Variants in HERC1 observed in about 807,000 individuals in gnomAD.
HERC1 encodes HECT and RLD domain containing E3 ubiquitin protein ligase family member 1.
A neutral mutation model predicts 554.3 loss-of-function variants in HERC1; 160 were observed. The ratio of observed to expected loss-of-function variants is 0.29; its 90% CI spans 0.25 to 0.33. HERC1 has a LOEUF of 0.33. HERC1 is among the 10% of genes least tolerant of loss of function. The pLI is 1.00. For missense variants in HERC1, 4,919 were observed against 5,918.5 expected (o/e 0.83, Z 5.54); for synonymous variants, 2,175 against 2,131.7 (o/e 1.02, Z -0.56).
Position 63,744,758 on chromosome 15 carries a change from T to G in HERC1, c.2520+2160A>C, listed in dbSNP as rs928504647. On this transcript the variant is annotated intron_variant, in intron 12 of 77. Coordinates refer to ENST00000443617, the MANE Select transcript of HERC1 (RefSeq NM_003922.4). ...TCTCACCCTTCAGGGCAGTGGGTTC[T>G]CCTGTAGCCCAGGACAGGTCTAGAA... Among the ~76,000 whole-genome samples the G allele has an allele frequency of 1.2e-4, 18 of 152,224 alleles. 2 individuals carry two copies. Among genetic ancestry groups the G allele is most frequent in the Admixed American group, 8.5e-4 (13 of 15,290 alleles).
chr15:63,669,777 A>T, intron 39 of HERC1, 79 bp from the exon 40 acceptor site: 6 of 1,310,878 alleles, frequency 4.6e-6, no homozygotes, highest in Non-Finnish European at 6.5e-6. Context: ...TTATAGAAGA[A>T]TATGCAACCT....
chr15:63,686,664 G>A (rs929834335), intron 33 of HERC1, 129 bp from the exon 34 acceptor site: 1 of 711,436 alleles, frequency 1.4e-6, no homozygotes, highest in Non-Finnish European at 2.3e-6. Flanking sequence ...TACTGTGCAG[G>A]GCAACAGGAA....
chr15:63,756,814 GT>G lies in HERC1; in HGVS notation c.1222-67del. ...TATCAAAGTATAATATTTAAGGCTG[GT>G]TTTATCAAAGAGCCTCAAAGGAAGT... On this transcript the variant is annotated intron_variant, in intron 4 of 77. Transcript: ENST00000443617. The surrounding 1 kb of genome is among the most constrained non-coding windows in gnomAD (Gnocchi z 5.0). 1 of 1,046,436 alleles carries G rather than the reference GT, an allele frequency of 9.6e-7. No homozygotes were observed. The highest frequency in any genetic ancestry group is 1.3e-6 in the Non-Finnish European group (1 of 743,538). The allele number at this position is 1,046,436 out of a possible 1,614,324, so 64.8% of individuals were successfully genotyped here. A position where few individuals can be genotyped will look rare whatever the true frequency, so the allele number is the denominator to read the frequency against.
Position 63,659,814 on chromosome 15 carries a change from G to A in HERC1, c.9346C>T (p.Pro3116Ser). 1 of 1,613,892 alleles carries A rather than the reference G, an allele frequency of 6.2e-7. No individual in the cohort carries two copies. Among genetic ancestry groups the A allele is most frequent in the Non-Finnish European group, 8.5e-7 (1 of 1,179,832 alleles). The change falls in exon 47 of 78, where the codon CCT (proline) becomes TCT (serine). Residue 3116 changes from proline to serine, a missense_variant. Physicochemically the swap from Pro to Ser is moderately conservative, Grantham distance 74 (BLOSUM62 -1). Transcript: ENST00000443617. ...GATGCTCCCAGTGGATCGCTGTCAG[G>A]GAACTGAACTGGTTCTGGTACAATG... is the stretch of plus-strand genomic sequence containing the variant. ...RRIVPEPVQF[P>S]DSDPLGASVA...
chr15:63,616,610 C>A lies in HERC1; in HGVS notation c.13761G>T (p.Gly4587=). The change falls in exon 75 of 78, where the codon GGG becomes GGT. Residue 4587 remains glycine, a synonymous_variant. Coordinates refer to ENST00000443617, the MANE Select transcript of HERC1 (RefSeq NM_003922.4). ...GAGGCTTCTTTGTGCGAATGGCAACCCCCATTAAAATTCCTAAAAACTTAA... is the reference window on the plus strand; with the variant it reads ...GAGGCTTCTTTGTGCGAATGGCAACACCCATTAAAATTCCTAAAAACTTAA... ...MQFKFLGILM[G]VAIRTKKPLD... 1.2e-6 allele frequency: 2 copies of A among 1,613,852 alleles called. No individual in the cohort carries two copies. The highest frequency in any genetic ancestry group is 2.2e-5 in the South Asian group (2 of 91,078).
At chr15:63,787,220 A>C (rs2076484779) in intron 1 of HERC1, among the ~76,000 whole-genome samples, 2 of 151,956 alleles carry the variant, frequency 1.3e-5, no homozygotes, top group African/African-American at 4.8e-5. Context: ...GCAGTGGTGC[A>C]ATCTCCGTTC....
At chr15:63,623,441 C>T (rs1052475581) in intron 73 of HERC1, among the ~76,000 whole-genome samples, 1 of 152,224 alleles carries the variant, frequency 6.6e-6, no homozygotes, top group Non-Finnish European at 1.5e-5. Flanking sequence ...CATAAATGTA[C>T]ATATATGCCA....
chr15:63,645,707 A>G, intron 55 of HERC1, 25 bp from the exon 56 acceptor site: 1 of 1,350,398 alleles, frequency 7.4e-7, no homozygotes. Context: ...AAGAGAAAAA[A>G]AATCAGAGTA....
chr15:63,631,793 G>A (rs886505941), intron 68 of HERC1, among the ~76,000 whole-genome samples: 4 of 152,108 alleles, frequency 2.6e-5, no homozygotes, highest in South Asian at 2.1e-4. Context: ...CACCCGCCTC[G>A]GCCTCCCAAA....
At position 63,641,485 on chromosome 15, in the gene HERC1, C is replaced by T. The variant is rs2069062552; in HGVS notation, c.11592G>A (p.Gln3864=). Residue 3864 remains glutamine, a synonymous_variant, in exon 60 of 78, where the codon CAG becomes CAA. Transcript: ENST00000443617. ...LERLPMMLQE[Q]YAYEKPHVVC... ...AATGAGTTACCTTTTCATAGGCATA[C>T]TGCTCCTGAAGCATCATGGGGAGCC... 1.2e-6 allele frequency: 2 copies of T among 1,612,380 alleles called. No individual in the cohort carries two copies. The highest frequency in any genetic ancestry group is 1.7e-6 in the Non-Finnish European group (2 of 1,179,062).
chr15:63,803,122 T>C (rs927856987), intron 1 of HERC1, among the ~76,000 whole-genome samples: 1 of 152,124 alleles, frequency 6.6e-6, no homozygotes, highest in Non-Finnish European at 1.5e-5. Flanking sequence ...GGAGGATCGC[T>C]TAAGCCTACG....
At chr15:63,828,298 T>C (rs1162546976) in intron 1 of HERC1, among the ~76,000 whole-genome samples, 3 of 150,526 alleles carry the variant, frequency 2.0e-5, no homozygotes, top group East Asian at 1.9e-4. Flanking sequence ...GGAAATGAGA[T>C]AGTAAAAACA....
Position 63,656,329 on chromosome 15 carries a change from A to C in HERC1, c.9629T>G (p.Leu3210Arg). 1 of 1,612,612 alleles carries C rather than the reference A, an allele frequency of 6.2e-7. No individual in the cohort carries two copies. The highest frequency in any genetic ancestry group is 8.5e-7 in the Non-Finnish European group (1 of 1,179,028). The change falls in exon 49 of 78, where the codon CTT (leucine) becomes CGT (arginine). Residue 3210 changes from leucine (L) to arginine (R), a missense_variant. Transcript: ENST00000443617. Reference protein sequence around the residue: ...SGSSCSLAAGLESLGLTDIRT... With the variant: ...SGSSCSLAAGRESLGLTDIRT... ...GATATCTGTTAGCCCCAGAGACTCAAGACCAGCAGCCAGGCTACAACTGGA... is the reference window on the plus strand; with the variant it reads ...GATATCTGTTAGCCCCAGAGACTCACGACCAGCAGCCAGGCTACAACTGGA...
intron 47 of HERC1, among the ~76,000 whole-genome samples, chr15:63,659,000 A>C (rs2070202656): frequency 6.6e-6 from 1 of 152,178 alleles, no homozygotes; most frequent in African/African-American, 2.4e-5. Flanking sequence ...CATTTTGCCC[A>C]TGTATCACAT....
intron 48 of HERC1, among the ~76,000 whole-genome samples, chr15:63,657,382 C>T (rs1471396236): frequency 2.0e-5 from 3 of 148,804 alleles, no homozygotes; most frequent in African/African-American, 7.4e-5. Context: ...ATTTTCATTT[C>T]TCTGAAGACT....
chr15:63,663,157 C>G lies in HERC1; in HGVS notation c.8728G>C (p.Glu2910Gln). The G allele has an allele frequency of 6.2e-7, 1 of 1,614,046 alleles. No homozygotes were observed. Among genetic ancestry groups the G allele is most frequent in the Non-Finnish European group, 8.5e-7 (1 of 1,179,882 alleles). ...VQAHRNQSRREGISLQQDPGA... is the reference protein window; with the variant it reads ...VQAHRNQSRRQGISLQQDPGA... Reference sequence around the variant, plus strand: ...GGGTCTTGCTGCAAAGATATTCCTTCTCTCCGACTTTGATTCCTGTGGGCC... The same window carrying G: ...GGGTCTTGCTGCAAAGATATTCCTTGTCTCCGACTTTGATTCCTGTGGGCC... The change falls in exon 44 of 78, where the codon GAA becomes CAA. Residue 2910 changes from glutamate (E) to glutamine (Q), a missense_variant. By Grantham distance (29) the Glu-to-Gln change is conservative. Transcript: ENST00000443617.
At position 63,756,791 on chromosome 15, in the gene HERC1, T is replaced by C. The variant is rs2271241; in HGVS notation, c.1222-43A>G. The C allele has an allele frequency of 0.51, 616,607 of 1,211,458 alleles. 165,237 individuals carry two copies. Among genetic ancestry groups the C allele is most frequent in the Non-Finnish European group, 0.56 (488,412 of 879,660 alleles). The allele number at this position is 1,211,458 out of a possible 1,614,324, so 75.0% of individuals were successfully genotyped here. A position where few individuals can be genotyped will look rare whatever the true frequency, so the allele number is the denominator to read the frequency against. On this transcript the variant is annotated intron_variant, in intron 4 of 77. Transcript: ENST00000443617. The surrounding 1 kb of genome is among the most constrained non-coding windows in gnomAD (Gnocchi z 5.0). The stretch of plus-strand genomic sequence containing the variant: ...TAAATATAAAATACTTCTGTGAGTA[T>C]CAAAGTATAATATTTAAGGCTGGTT...
intron 1 of HERC1, among the ~76,000 whole-genome samples, chr15:63,800,753 G>A (rs993229830): frequency 6.6e-6 from 1 of 152,256 alleles, no homozygotes; most frequent in African/African-American, 2.4e-5. Context: ...AATTTCCTTT[G>A]TGATAGGGGA....
rs114227545 is a variant in HERC1 at position 63,782,837 on chromosome 15, C to A, written c.-26-7188G>T. ...AGAGTTTGGAAGAAGTTGATTCTAA[C>A]CCCTACGGATGACTTTGAGAGGTTC... On this transcript the variant is annotated intron_variant, in intron 1 of 77. Coordinates refer to ENST00000443617, the MANE Select transcript of HERC1 (RefSeq NM_003922.4). Among the ~76,000 whole-genome samples the A allele has an allele frequency of 9.2e-3, 1,403 of 152,256 alleles. 29 individuals carry two copies. The highest frequency in any genetic ancestry group is 0.033 in the African/African-American group (1,351 of 41,544).
Sources: gnomAD v4.1 joint callset for allele counts (sites outside exome capture counted in the v4.1 genomes callset) on GRCh38, gnomAD v4.1.1 for gene constraint, Gnocchi (gnomAD v3.1) non-coding constraint, MANE v1.5 for transcripts, NCBI Gene and HGNC (gene_info 2026-07-23, HGNC 2026-07-21) for gene names.